AAK1: variants seen among roughly 807,000 people sequenced by gnomAD.
AAK1 encodes AP2-associated protein kinase 1.
AAK1 carries 37 observed loss-of-function variants against 116.0 expected under a neutral mutation model. The observed-to-expected ratio is 0.32, with a 90% CI of 0.25 to 0.42. AAK1 has a LOEUF of 0.42. Ranked by LOEUF, AAK1 falls within the 10% of genes least tolerant of loss-of-function variation. The pLI is 1.00. For synonymous variants in AAK1, 458 were observed against 439.9 expected (o/e 1.04, Z -0.51); for missense variants, 919 against 1,170.6 (o/e 0.79, Z 3.14).
chr2:69,611,177 T>TG (rs1202588061), intron 2 of AAK1, among the ~76,000 whole-genome samples: 4 of 152,258 alleles, frequency 2.6e-5, no homozygotes, highest in African/African-American at 9.6e-5. Context: ...CCACCCTCAA[T>TG]GTGGGTGGGC....
intron 2 of AAK1, among the ~76,000 whole-genome samples, chr2:69,582,366 C>T (rs754340469): frequency 1.6e-4 from 24 of 151,946 alleles, no homozygotes; most frequent in South Asian, 6.2e-4. Context: ...GAAAAACCTC[C>T]GTGTGTGCGT....
chr2:69,626,416 T>G (rs10204379), intron 2 of AAK1, among the ~76,000 whole-genome samples: 19,891 of 151,574 alleles, frequency 0.13, 3,022 homozygotes, highest in African/African-American at 0.36. Context: ...CAAATCCAAT[T>G]AACACTTATC....
intron 10 of AAK1, among the ~76,000 whole-genome samples, chr2:69,521,434 C>T (rs938653714): frequency 6.6e-6 from 1 of 152,172 alleles, no homozygotes; most frequent in African/African-American, 2.4e-5. Flanking sequence ...TTGGCTGCAA[C>T]TAGCTGTTAA....
intron 5 of AAK1, among the ~76,000 whole-genome samples, chr2:69,539,459 G>A (rs1006059023): frequency 3.9e-5 from 6 of 151,984 alleles, no homozygotes; most frequent in South Asian, 2.1e-4. Flanking sequence ...TCATAAGAGC[G>A]GTGCCCACCA....
chr2:69,573,673 A>T (rs964382162), intron 2 of AAK1, among the ~76,000 whole-genome samples: 32 of 152,344 alleles, frequency 2.1e-4, no homozygotes, highest in African/African-American at 7.7e-4. Flanking sequence ...TCTTAAGGAA[A>T]TAACCTGAAA....
chr2:69,633,732 G>A (rs1675318159), intron 2 of AAK1, among the ~76,000 whole-genome samples: 1 of 152,080 alleles, frequency 6.6e-6, no homozygotes, highest in Admixed American at 6.5e-5. Context: ...ATTGTTTATA[G>A]GCTACCTAGT....
At chr2:69,493,154 G>A (rs541412214) in intron 17 of AAK1, among the ~76,000 whole-genome samples, 361 of 29,690 alleles carry the variant, frequency 0.012, 4 homozygotes, top group African/African-American at 0.053. Flanking sequence ...GCGAGACTCC[G>A]TCTCAAAAAA....
intron 2 of AAK1, among the ~76,000 whole-genome samples, chr2:69,586,560 G>A (rs1439332095): frequency 6.6e-6 from 1 of 152,158 alleles, no homozygotes; most frequent in African/African-American, 2.4e-5. Context: ...CAAAGACAAG[G>A]AAAGTATTTT....
chr2:69,530,761 C>T (rs1012509366), intron 6 of AAK1, 55 bp from the exon 7 acceptor site: 1 of 1,348,420 alleles, frequency 7.4e-7, no homozygotes, highest in Admixed American at 1.8e-5. Context: ...AATTAAAAAC[C>T]AGGAGCAGCA....
chr2:69,473,105 G>A lies in AAK1; in HGVS notation c.*2764C>T, dbSNP rs567160964. On this transcript the variant is annotated 3_prime_UTR_variant, in exon 22 of 22. Coordinates refer to ENST00000409085, the MANE Select transcript of AAK1 (RefSeq NM_014911.5). ...AAAGACCATCTAGTCCAAACCCATC[G>A]TATAACTCTAAGGAACAGCAACTCT... The A allele has an allele frequency of 2.1e-5, 19 of 895,586 alleles. No homozygotes were observed. The African/African-American group carries it at 2.3e-4, about 11-fold the overall frequency. The allele number at this position is 895,586 out of a possible 1,614,324, so 55.5% of individuals were successfully genotyped here.
chr2:69,629,815 T>C (rs1479074490), intron 2 of AAK1, among the ~76,000 whole-genome samples: 1 of 152,158 alleles, frequency 6.6e-6, no homozygotes, highest in Non-Finnish European at 1.5e-5. Context: ...TAACTAATTA[T>C]CTAACACTAG....
intron 17 of AAK1, among the ~76,000 whole-genome samples, chr2:69,494,466 C>T (rs1312296952): frequency 1.3e-5 from 2 of 152,186 alleles, no homozygotes; most frequent in South Asian, 4.1e-4. Context: ...TGCAAAGAGG[C>T]CTTCTTCCTG....
chr2:69,599,531 T>C (rs578012573), intron 2 of AAK1, among the ~76,000 whole-genome samples: 1 of 152,314 alleles, frequency 6.6e-6, no homozygotes, highest in African/African-American at 2.4e-5. Flanking sequence ...GTAAATGTTA[T>C]GACAGTTTCA....
chr2:69,628,337 C>G (rs1675004053), intron 2 of AAK1, among the ~76,000 whole-genome samples: 1 of 151,766 alleles, frequency 6.6e-6, no homozygotes, highest in Non-Finnish European at 1.5e-5. Context: ...ACATTTCCGT[C>G]TCATCAACCC....
intron 2 of AAK1, among the ~76,000 whole-genome samples, chr2:69,594,580 G>T (rs975595330): frequency 6.6e-6 from 1 of 152,182 alleles, no homozygotes; most frequent in Non-Finnish European, 1.5e-5. Flanking sequence ...TGAAGAAATA[G>T]AACACTACTA....
chr2:69,512,798 G>C (rs1194072400), intron 13 of AAK1, among the ~76,000 whole-genome samples: 1 of 152,222 alleles, frequency 6.6e-6, no homozygotes, highest in Non-Finnish European at 1.5e-5. Context: ...ATTCCCAAGG[G>C]AGTAGACACT....
chr2:69,600,573 G>A (rs1258271721), intron 2 of AAK1, among the ~76,000 whole-genome samples: 2 of 152,286 alleles, frequency 1.3e-5, no homozygotes, highest in African/African-American at 2.4e-5. Flanking sequence ...AAACTTGAAC[G>A]GATGGAAGTG....
At chr2:69,531,683 T>C in intron 6 of AAK1, 2 of 1,011,246 alleles carry the variant, frequency 2.0e-6, no homozygotes, top group Non-Finnish European at 2.4e-6. Flanking sequence ...GTTTGACTGA[T>C]AATGTCATGG....
At chr2:69,630,328 T>C (rs956296551) in intron 2 of AAK1, among the ~76,000 whole-genome samples, 3 of 13,706 alleles carry the variant, frequency 2.2e-4, no homozygotes, top group African/African-American at 9.1e-4. Flanking sequence ...ATACTCTGAG[T>C]GGGGCGGGGG....
Sources: gnomAD v4.1 joint callset for allele counts (sites outside exome capture counted in the v4.1 genomes callset) on GRCh38, gnomAD v4.1.1 for gene constraint, MANE v1.5 for transcripts, NCBI Gene and HGNC (gene_info 2026-07-23, HGNC 2026-07-21) for gene names.